PIK3CA: variants seen among roughly 807,000 people sequenced by gnomAD.
PIK3CA encodes phosphatidylinositol 4,5-bisphosphate 3-kinase catalytic subunit alpha isoform.
A neutral mutation model predicts 138.2 loss-of-function variants in PIK3CA; 27 were observed. The observed-to-expected ratio is 0.20, with a 90% CI of 0.14 to 0.27. The LOEUF (loss-of-function observed/expected upper bound fraction) is 0.27. Ranked by LOEUF, PIK3CA falls within the 10% of genes least tolerant of loss-of-function variation. PIK3CA has a pLI of 1.00. For synonymous variants in PIK3CA, 358 were observed against 413.2 expected (o/e 0.87, Z 1.62); for missense variants, 544 against 1,277.4 (o/e 0.43, Z 8.75).
In PIK3CA at chr3:179,237,118, A is replaced by C. The variant is rs908944474; in HGVS notation, c.*2754A>C. ...TTGGAAAATTATGCTTTCACTTTCT[A>C]CCATATTCTCAGCTATACAAAACCA... On this transcript the variant is annotated 3_prime_UTR_variant, in exon 21 of 21. Coordinates refer to ENST00000263967, the MANE Select transcript of PIK3CA (RefSeq NM_006218.4). 2 of 196,788 alleles carry C rather than the reference A, an allele frequency of 1.0e-5. No individual in the cohort carries two copies. Among genetic ancestry groups the C allele is most frequent in the African/African-American group, 4.6e-5 (2 of 43,322 alleles). The allele number at this position is 196,788 out of a possible 1,614,324, so 12.2% of individuals were successfully genotyped here.
At chr3:179,223,027 A>T (rs556200712) in intron 14 of PIK3CA, among the ~76,000 whole-genome samples, 1 of 152,196 alleles carries the variant, frequency 6.6e-6, no homozygotes, top group Non-Finnish European at 1.5e-5. Flanking sequence ...AGATTTTGAT[A>T]GGGAACTAAG....
At chr3:179,210,703 A>C (rs1239398180) in intron 9 of PIK3CA, 138 bp downstream of exon 9, 1 of 781,928 alleles carries the variant, frequency 1.3e-6, no homozygotes, top group African/African-American at 1.8e-5. Context: ...CAATAGAATT[A>C]AGTTCTCTAT....
At chr3:179,191,810 G>GTA (rs1457143635) in intron 1 of PIK3CA, among the ~76,000 whole-genome samples, 1 of 151,934 alleles carries the variant, frequency 6.6e-6, no homozygotes. Flanking sequence ...GCTAATTTTT[G>GTA]TATTTTTAGT....
chr3:179,223,660 G>A (rs911183377), intron 14 of PIK3CA, among the ~76,000 whole-genome samples: 2 of 152,112 alleles, frequency 1.3e-5, no homozygotes, highest in Non-Finnish European at 2.9e-5. Context: ...GATAGTAACT[G>A]TTTTAGACTT....
chr3:179,189,614 C>G (rs1724076880), intron 1 of PIK3CA, among the ~76,000 whole-genome samples: 1 of 152,108 alleles, frequency 6.6e-6, no homozygotes, highest in South Asian at 2.1e-4. Flanking sequence ...TAGCACAGAT[C>G]CTCTCTAAAC....
Position 179,229,329 on chromosome 3 carries a change from G to C in PIK3CA, c.2553G>C (p.Val851=), listed in dbSNP as rs746423756. ...IGDCVGLIEV[V]RNSHTIMQIQ... ...ACTGTGTGGGACTTATTGAGGTGGTGCGAAATTCTCACACTATTATGCAAA... is the reference window on the plus strand; with the variant it reads ...ACTGTGTGGGACTTATTGAGGTGGTCCGAAATTCTCACACTATTATGCAAA... Residue 851 remains valine (V), a synonymous_variant, in exon 18 of 21, where the codon GTG becomes GTC. Transcript: ENST00000263967. 2 of 1,613,344 alleles carry C rather than the reference G, an allele frequency of 1.2e-6. No homozygotes were observed. The highest frequency in any genetic ancestry group is 1.7e-6 in the Non-Finnish European group (2 of 1,179,520).
chr3:179,170,138 G>A (rs79847525), intron 1 of PIK3CA, among the ~76,000 whole-genome samples: 39 of 151,822 alleles, frequency 2.6e-4, no homozygotes, highest in African/African-American at 5.8e-4. Flanking sequence ...ATTCTTTGAC[G>A]TACTAAGTAA....
In PIK3CA at chr3:179,234,420, ACT is replaced by A. The variant is rs1725287168; in HGVS notation, c.*60_*61del. ...TGGATTCCACACTGCACTGTTAATA[ACT>A]CTCAGCAGGCAAAGACCGATTGCAT... is the stretch of plus-strand genomic sequence containing the variant. On this transcript the variant is annotated 3_prime_UTR_variant, in exon 21 of 21. Coordinates refer to ENST00000263967, the MANE Select transcript of PIK3CA (RefSeq NM_006218.4). This position sits in a 1 kb window ranked among gnomAD's most constrained non-coding sequence, Gnocchi z 5.1. 6.8e-7 allele frequency: 1 copy of A among 1,469,600 alleles called. No homozygotes were observed. The highest frequency in any genetic ancestry group is 9.2e-7 in the Non-Finnish European group (1 of 1,084,196). 91.0% of individuals were successfully genotyped at this position (1,469,600 alleles called of 1,614,324 possible).
chr3:179,214,429 T>G (rs961380495), intron 9 of PIK3CA, among the ~76,000 whole-genome samples: 1 of 151,914 alleles, frequency 6.6e-6, no homozygotes, highest in African/African-American at 2.4e-5. Context: ...GGAGCAAAGG[T>G]TGGTCGGTGA....
chr3:179,224,186 A>C lies in PIK3CA; in HGVS notation c.2293A>C (p.Arg765=). 6 of 1,490,788 alleles carry C rather than the reference A, an allele frequency of 4.0e-6. No individual in the cohort carries two copies. The highest frequency in any genetic ancestry group is 4.6e-6 in the Non-Finnish European group (5 of 1,079,432). 92.3% of individuals were successfully genotyped at this position (1,490,788 alleles called of 1,614,324 possible). A position where few individuals can be genotyped will look rare whatever the true frequency, so the allele number is the denominator to read the frequency against. The part of the protein sequence containing the change: ...LNPAHQLGNL[R]LEECRIMSSA... The stretch of plus-strand genomic sequence containing the variant: ...CCCTGCTCATCAACTAGGAAACCTC[A>C]GGTACTTTCTTGGGGGTTTCATTGA... The change falls in exon 15 of 21, where the codon AGG becomes CGG. Residue 765 remains arginine (R), a splice_region_variant and synonymous_variant. Transcript: ENST00000263967.
chr3:179,204,261 G>A (rs551999822), intron 5 of PIK3CA, among the ~76,000 whole-genome samples: 1 of 152,224 alleles, frequency 6.6e-6, no homozygotes, highest in Admixed American at 6.5e-5. Context: ...TCCCTTAAGG[G>A]GATTGTGGGC....
In PIK3CA at chr3:179,210,502, T is replaced by A. The variant is rs557949672; in HGVS notation, c.1476T>A (p.Ile492=). The change falls in exon 9 of 21, where the codon ATT becomes ATA. Residue 492 remains isoleucine (I), a synonymous_variant. Transcript: ENST00000263967. ...SVVKFPDMSV[I]EEHANWSVSR... The stretch of plus-strand genomic sequence containing the variant: ...TAAAGTTCCCAGATATGTCAGTGAT[T>A]GAAGAGCATGCCAATTGGTCTGTAT... The A allele has an allele frequency of 3.7e-6, 6 of 1,614,062 alleles. No individual in the cohort carries two copies. The East Asian group carries it at 1.3e-4, about 36-fold the overall frequency.
intron 1 of PIK3CA, among the ~76,000 whole-genome samples, chr3:179,174,330 G>T (rs1723641190): frequency 1.3e-5 from 2 of 151,974 alleles, no homozygotes; most frequent in Non-Finnish European, 2.9e-5. Context: ...AATTAGCTGG[G>T]CATGGTGGCA....
intron 1 of PIK3CA, among the ~76,000 whole-genome samples, chr3:179,172,772 G>A (rs189018308): frequency 9.2e-5 from 14 of 152,284 alleles, no homozygotes; most frequent in African/African-American, 3.1e-4. Context: ...ACTATGTTCA[G>A]TGCAGTCCCA....
At chr3:179,174,008 G>A (rs1354821089) in intron 1 of PIK3CA, among the ~76,000 whole-genome samples, 4 of 152,028 alleles carry the variant, frequency 2.6e-5, no homozygotes, top group African/African-American at 4.8e-5. Flanking sequence ...GATTACAGGC[G>A]TGACCCATTG....
intron 1 of PIK3CA, among the ~76,000 whole-genome samples, chr3:179,181,422 T>G (rs1017570313): frequency 2.6e-5 from 4 of 152,136 alleles, no homozygotes; most frequent in African/African-American, 9.7e-5. Context: ...GATACTATTG[T>G]GAGTAGACTA....
intron 1 of PIK3CA, among the ~76,000 whole-genome samples, chr3:179,181,991 C>A (rs1361196205): frequency 6.6e-6 from 1 of 152,326 alleles, no homozygotes; most frequent in East Asian, 1.9e-4. Context: ...TACGGTATCT[C>A]TGTCCAACCT....
chr3:179,158,668 C>T (rs1723199410), intron 1 of PIK3CA, among the ~76,000 whole-genome samples: 1 of 151,872 alleles, frequency 6.6e-6, no homozygotes, highest in Admixed American at 6.6e-5. Flanking sequence ...TTTTGCATAT[C>T]ATTGTTTGTT....
rs964365950 is a variant in PIK3CA, at chr3:179,230,858, G to A, written c.2936+482G>A. Among the ~76,000 whole-genome samples the A allele has an allele frequency of 1.3e-5, 2 of 152,096 alleles. No individual in the cohort carries two copies. The highest frequency in any genetic ancestry group is 2.4e-5 in the African/African-American group (1 of 41,430). Reference sequence around the variant, plus strand: ...TATTTCAATAGCTTTTGGGGTACACGTGGTTTTTGATTACATGGATGAATT... The same window carrying A: ...TATTTCAATAGCTTTTGGGGTACACATGGTTTTTGATTACATGGATGAATT... On this transcript the variant is annotated intron_variant, in intron 20 of 20. Coordinates refer to ENST00000263967, the MANE Select transcript of PIK3CA (RefSeq NM_006218.4). The surrounding 1 kb of genome is among the most constrained non-coding windows in gnomAD (Gnocchi z 5.4).
Sources: gnomAD v4.1 joint callset for allele counts (sites outside exome capture counted in the v4.1 genomes callset) on GRCh38, gnomAD v4.1.1 for gene constraint, Gnocchi (gnomAD v3.1) non-coding constraint, MANE v1.5 for transcripts, NCBI Gene and HGNC (gene_info 2026-07-23, HGNC 2026-07-21) for gene names.